PCCA: variants seen among roughly 807,000 people sequenced by gnomAD.
The protein encoded by PCCA is propionyl-CoA carboxylase subunit alpha.
A neutral mutation model predicts 101.3 loss-of-function variants in PCCA; 74 were observed. That is an observed-to-expected ratio of 0.73 (90% confidence interval 0.61 to 0.89). PCCA has a LOEUF of 0.89. Ranked by LOEUF, PCCA falls within the 40% of genes least tolerant of loss-of-function variation. The pLI is 0.00. For missense variants in PCCA, 891 were observed against 907.0 expected (o/e 0.98, Z 0.23); for synonymous variants, 294 against 313.6 (o/e 0.94, Z 0.66).
chr13:100,128,852 T>G (rs1313910534), intron 4 of PCCA, among the ~76,000 whole-genome samples: 1 of 152,206 alleles, frequency 6.6e-6, no homozygotes, highest in Non-Finnish European at 1.5e-5. Context: ...CTGTGTCCCC[T>G]CTACAGGAAT....
intron 16 of PCCA, among the ~76,000 whole-genome samples, chr13:100,313,497 A>G (rs2067097557): frequency 6.6e-6 from 1 of 152,088 alleles, no homozygotes; most frequent in Admixed American, 6.6e-5. Context: ...ATGAAATTAT[A>G]GGTGCTTGAG....
At chr13:100,380,275 T>C (rs549627086) in intron 19 of PCCA, among the ~76,000 whole-genome samples, 1 of 152,224 alleles carries the variant, frequency 6.6e-6, no homozygotes, top group African/African-American at 2.4e-5. Flanking sequence ...GGTTGGAGGA[T>C]AGCTTAAGCC....
At chr13:100,348,030 G>A (rs1264836216) in intron 18 of PCCA, among the ~76,000 whole-genome samples, 1 of 152,226 alleles carries the variant, frequency 6.6e-6, no homozygotes, top group East Asian at 1.9e-4. Flanking sequence ...CATCATGAAA[G>A]CTGATGTACG....
intron 18 of PCCA, among the ~76,000 whole-genome samples, chr13:100,364,108 GA>G (rs2074928654): frequency 6.6e-6 from 1 of 152,120 alleles, no homozygotes; most frequent in Non-Finnish European, 1.5e-5. Flanking sequence ...TTTGTTTGTT[GA>G]AGAAATAACT....
At chr13:100,218,154 A>T (rs2059622934) in intron 7 of PCCA, among the ~76,000 whole-genome samples, 1 of 151,466 alleles carries the variant, frequency 6.6e-6, no homozygotes, top group Admixed American at 6.6e-5. Flanking sequence ...TGCTACAAAT[A>T]TTTGTATGCA....
At chr13:100,348,815 C>CCTTCCTTT (rs2072802466) in intron 18 of PCCA, among the ~76,000 whole-genome samples, 1 of 122,996 alleles carries the variant, frequency 8.1e-6, no homozygotes, top group South Asian at 2.5e-4. Flanking sequence ...TTCCTTCCTT[C>CCTTCCTTT]CTTTCTTTCT....
In PCCA at chr13:100,118,125, G is replaced by GAA. The variant is rs537580846; in HGVS notation, c.300+6078_300+6079dup. 7.9e-4 allele frequency among the ~76,000 whole-genome samples: 75 copies of GAA among 95,322 alleles called. 1 individual carries two copies. Among genetic ancestry groups the GAA allele is most frequent in the African/African-American group, 6.8e-4 (19 of 27,862 alleles). 62.5% of individuals were successfully genotyped at this position (95,322 alleles called of 152,430 possible). ...AGCAAGACTCCATCTCAAAAAAAAA[G>GAA]AAAAAAAAAAAAAAAGAAAATAAGT... On this transcript the variant is annotated intron_variant, in intron 4 of 23. Transcript: ENST00000376285.
At position 100,317,114 on chromosome 13, in the gene PCCA, T is replaced by C. The variant is rs375696977; in HGVS notation, c.1429+7206T>C. On this transcript the variant is annotated intron_variant, in intron 16 of 23. Coordinates refer to ENST00000376285, the MANE Select transcript of PCCA (RefSeq NM_000282.4). ...ACTGCCTGCTAACTTACTTACTGTT[T>C]TGCAAAAACACTTGTAAATTGAAAT... Among the ~76,000 whole-genome samples, 148 of 152,316 alleles carry C rather than the reference T, an allele frequency of 9.7e-4. 4 individuals are homozygous for C. The South Asian group carries it at 0.028, about 29-fold the overall frequency.
intron 21 of PCCA, among the ~76,000 whole-genome samples, chr13:100,498,562 G>A (rs2085442255): frequency 6.6e-6 from 1 of 152,054 alleles, no homozygotes; most frequent in Non-Finnish European, 1.5e-5. Flanking sequence ...ATTTATTAAC[G>A]TTCACAACGC....
At chr13:100,150,562 AC>A (rs536194560) in intron 4 of PCCA, 418 of 1,260,572 alleles carry the variant, frequency 3.3e-4, no homozygotes, top group Admixed American at 1.8e-3. Flanking sequence ...GGTGGAACTT[AC>A]GGCCGTTTCC....
chr13:100,325,048 G>A (rs1326093530), intron 16 of PCCA, among the ~76,000 whole-genome samples: 2 of 152,124 alleles, frequency 1.3e-5, no homozygotes, highest in African/African-American at 2.4e-5. Context: ...ATTGAGGTCT[G>A]CAGATGTAGT....
chr13:100,257,184 AC>A (rs1466663156), intron 8 of PCCA, among the ~76,000 whole-genome samples: 2 of 152,108 alleles, frequency 1.3e-5, no homozygotes, highest in Middle Eastern at 6.3e-3. Context: ...CCTGAAAATC[AC>A]CATTTTTGAA....
chr13:100,402,889 A>G lies in PCCA; in HGVS notation c.1747-22744A>G, dbSNP rs77293134. Among the ~76,000 whole-genome samples the G allele has an allele frequency of 2.8e-3, 422 of 152,336 alleles. 2 individuals are homozygous for G. Among genetic ancestry groups the G allele is most frequent in the Admixed American group, 5.9e-3 (91 of 15,302 alleles). ...ATAGTAGGACTAAAGTTTAGGATAT[A>G]GTGCCTGTGCACATTTGCTGAATGT... On this transcript the variant is annotated intron_variant, in intron 19 of 23. Transcript: ENST00000376285.
intron 21 of PCCA, among the ~76,000 whole-genome samples, chr13:100,507,610 A>T (rs545844069): frequency 7.2e-5 from 11 of 152,280 alleles, no homozygotes; most frequent in African/African-American, 2.6e-4. Context: ...GGAAGAAATA[A>T]ATCCTCTCTG....
At chr13:100,315,986 A>C (rs1472186521) in intron 16 of PCCA, among the ~76,000 whole-genome samples, 1 of 152,196 alleles carries the variant, frequency 6.6e-6, no homozygotes, top group Non-Finnish European at 1.5e-5. Flanking sequence ...GTAACTTTCA[A>C]ATCTGTATGA....
chr13:100,384,573 T>C (rs1411876456), intron 19 of PCCA, among the ~76,000 whole-genome samples: 1 of 152,204 alleles, frequency 6.6e-6, no homozygotes, highest in Non-Finnish European at 1.5e-5. Flanking sequence ...CTGGAATTTT[T>C]ATAGGAACAT....
intron 6 of PCCA, among the ~76,000 whole-genome samples, chr13:100,194,950 T>G (rs1010374742): frequency 6.6e-6 from 1 of 152,262 alleles, no homozygotes; most frequent in Non-Finnish European, 1.5e-5. Flanking sequence ...GCCAATTATA[T>G]TCATAGTTAT....
At chr13:100,429,393 G>A (rs922548519) in intron 20 of PCCA, among the ~76,000 whole-genome samples, 15 of 152,040 alleles carry the variant, frequency 9.9e-5, no homozygotes, top group African/African-American at 3.4e-4. Flanking sequence ...CATTTTTCAA[G>A]TGATTTTACA....
intron 18 of PCCA, among the ~76,000 whole-genome samples, chr13:100,344,840 C>T (rs1000902087): frequency 6.6e-6 from 1 of 152,138 alleles, no homozygotes; most frequent in Admixed American, 6.5e-5. Context: ...CATGTGTTCA[C>T]TGTCTCTGTG....
Sources: allele counts gnomAD v4.1 joint callset (sites outside exome capture counted in the v4.1 genomes callset), GRCh38; gene constraint gnomAD v4.1.1; transcripts MANE v1.5; gene names NCBI Gene and HGNC (gene_info 2026-07-23, HGNC 2026-07-21).